LHPP: variants seen among roughly 807,000 people sequenced by gnomAD.
The protein encoded by LHPP is phospholysine phosphohistidine inorganic pyrophosphate phosphatase, also known as hLHPP.
In LHPP, 24 loss-of-function variants were observed where a neutral mutation model predicts 30.3. The ratio of observed to expected loss-of-function variants is 0.79; its 90% confidence interval spans 0.57 to 1.11. The LOEUF (loss-of-function observed/expected upper bound fraction) is 1.11. LHPP is among the 50% of genes most tolerant of loss of function. The pLI, the probability that LHPP is intolerant of heterozygous loss-of-function variation, is 0.00. For synonymous variants in LHPP, 150 were observed against 157.1 expected (o/e 0.95, Z 0.34); for missense variants, 356 against 367.2 (o/e 0.97, Z 0.25).
chr10:124,589,730 C>T lies in LHPP; in HGVS notation c.717-23534C>T, dbSNP rs558564771. Among the ~76,000 whole-genome samples, 89 of 152,350 alleles carry T rather than the reference C, an allele frequency of 5.8e-4. 1 individual carries two copies. In the South Asian group the frequency reaches 7.0e-3, roughly 12 times the overall value. On this transcript the variant is annotated intron_variant, in intron 6 of 6. Transcript: ENST00000368842. ...AGCAAGACCCTTTCTTGTCTATCCC[C>T]GGACGGACCCGCCTTTCCCGCATCT...
intron 6 of LHPP, among the ~76,000 whole-genome samples, chr10:124,589,590 C>A (rs534270098): frequency 6.6e-6 from 1 of 152,340 alleles, no homozygotes; most frequent in East Asian, 1.9e-4. Context: ...AGGGGTCAGG[C>A]TCAGTGCACA....
chr10:124,546,560 G>A (rs747464465), intron 6 of LHPP, among the ~76,000 whole-genome samples: 8 of 151,866 alleles, frequency 5.3e-5, no homozygotes, highest in Non-Finnish European at 1.0e-4. Flanking sequence ...CTGCCACCAC[G>A]CCCGGCTAAT....
intron 5 of LHPP, among the ~76,000 whole-genome samples, chr10:124,505,724 C>A (rs1016535817): frequency 6.6e-6 from 1 of 152,108 alleles, no homozygotes; most frequent in Non-Finnish European, 1.5e-5. Flanking sequence ...ATATGAGCAC[C>A]CAAGTGATGT....
At chr10:124,578,347 A>T (rs1321814800) in intron 6 of LHPP, among the ~76,000 whole-genome samples, 1 of 152,220 alleles carries the variant, frequency 6.6e-6, no homozygotes, top group East Asian at 1.9e-4. Context: ...GGTGAGCCAC[A>T]GGGCCACAGG....
intron 6 of LHPP, among the ~76,000 whole-genome samples, chr10:124,555,892 G>A (rs1442786109): frequency 1.3e-5 from 2 of 152,106 alleles, no homozygotes; most frequent in African/African-American, 4.8e-5. Context: ...CAAGTCCTCA[G>A]GCCATATTCC....
chr10:124,464,535 C>T (rs1034028870), intron 1 of LHPP, among the ~76,000 whole-genome samples: 1 of 152,188 alleles, frequency 6.6e-6, no homozygotes, highest in Non-Finnish European at 1.5e-5. Flanking sequence ...TCCGCTGGGT[C>T]CTGGGTCTGC....
intron 6 of LHPP, among the ~76,000 whole-genome samples, chr10:124,553,748 C>T (rs1948230215): frequency 1.3e-5 from 2 of 152,216 alleles, no homozygotes; most frequent in Non-Finnish European, 2.9e-5. Context: ...CGTGAGCCAC[C>T]ACGCCCGGCC....
chr10:124,506,537 G>A (rs1954073939), intron 5 of LHPP, among the ~76,000 whole-genome samples: 1 of 151,376 alleles, frequency 6.6e-6, no homozygotes, highest in Admixed American at 6.6e-5. Context: ...TTGCCAATGA[G>A]GAGTGAAGCC....
chr10:124,531,200 G>A (rs1178586427), intron 6 of LHPP, among the ~76,000 whole-genome samples: 1 of 152,104 alleles, frequency 6.6e-6, no homozygotes, highest in Non-Finnish European at 1.5e-5. Flanking sequence ...AATTGCAAGG[G>A]CCTGAGGGAT....
chr10:124,498,149 G>A, intron 5 of LHPP, 21 bp downstream of exon 5: 1 of 1,608,104 alleles, frequency 6.2e-7, no homozygotes, highest in African/African-American at 1.3e-5. Context: ...GCCTTGTGAA[G>A]TGGGTCAGGG....
At chr10:124,604,707 C>A (rs1949069912) in intron 6 of LHPP, among the ~76,000 whole-genome samples, 1 of 152,248 alleles carries the variant, frequency 6.6e-6, no homozygotes, top group African/African-American at 2.4e-5. Flanking sequence ...GTCGGCACAG[C>A]CGAGCTGGCG....
chr10:124,473,942 C>T (rs991206928), intron 1 of LHPP, among the ~76,000 whole-genome samples: 7 of 151,980 alleles, frequency 4.6e-5, no homozygotes, highest in Non-Finnish European at 1.0e-4. Flanking sequence ...CAGCGAGACT[C>T]GGTCTCAAAA....
intron 6 of LHPP, among the ~76,000 whole-genome samples, chr10:124,527,453 C>A (rs1954770656): frequency 6.6e-6 from 1 of 152,186 alleles, no homozygotes; most frequent in African/African-American, 2.4e-5. Flanking sequence ...AGGATGTGAA[C>A]CCGGTGTGCT....
chr10:124,582,489 G>A (rs538773433), intron 6 of LHPP, among the ~76,000 whole-genome samples: 56 of 152,302 alleles, frequency 3.7e-4, no homozygotes, highest in African/African-American at 1.3e-3. Context: ...ATGATTTACA[G>A]GTACAGTTGA....
Position 124,539,271 on chromosome 10 carries a change from C to T in LHPP, c.716+22000C>T, listed in dbSNP as rs187762992. Among the ~76,000 whole-genome samples, 28 of 152,278 alleles carry T rather than the reference C, an allele frequency of 1.8e-4. No individual in the cohort carries two copies. In the East Asian group the frequency reaches 4.6e-3, roughly 25 times the overall value. The stretch of plus-strand genomic sequence containing the variant: ...AGATGAGCACAGCTCCGGAGCCACT[C>T]GAGCACCCAAGGCCACGTCCTGCTC... On this transcript the variant is annotated intron_variant, in intron 6 of 6. Transcript: ENST00000368842.
intron 6 of LHPP, among the ~76,000 whole-genome samples, chr10:124,561,730 C>G (rs1026515388): frequency 1.3e-5 from 2 of 151,732 alleles, no homozygotes; most frequent in African/African-American, 4.8e-5. Context: ...TCTTCCCCTG[C>G]CTGAGTTGTG....
chr10:124,547,055 G>C (rs1412896104), intron 6 of LHPP, among the ~76,000 whole-genome samples: 1 of 134,936 alleles, frequency 7.4e-6, no homozygotes, highest in Non-Finnish European at 1.6e-5. Flanking sequence ...ACACACACAG[G>C]AGGTTGTCCT....
rs945123280 is a variant in LHPP at position 124,523,651 on chromosome 10, AG to A, written c.716+6386del. On this transcript the variant is annotated intron_variant, in intron 6 of 6. Transcript: ENST00000368842. The surrounding 1 kb of genome is among the most constrained non-coding windows in gnomAD (Gnocchi z 4.2). Reference sequence around the variant, plus strand: ...ATGTCAAAGTGAGTGGCTAGCAAGCAGGGGGGTCCAGGCTGTGGTGGCCCTG... The same window carrying A: ...ATGTCAAAGTGAGTGGCTAGCAAGCAGGGGGTCCAGGCTGTGGTGGCCCTG... 6.6e-6 allele frequency among the ~76,000 whole-genome samples: 1 copy of A among 152,096 alleles called. No individual in the cohort carries two copies. Among genetic ancestry groups the A allele is most frequent in the Admixed American group, 6.5e-5 (1 of 15,280 alleles).
intron 1 of LHPP, among the ~76,000 whole-genome samples, chr10:124,465,057 C>G (rs1424670598): frequency 6.6e-6 from 1 of 152,076 alleles, no homozygotes; most frequent in Admixed American, 6.6e-5. Flanking sequence ...ACAGGTAGGC[C>G]TAAGGGGTGT....
Sources: gnomAD v4.1 joint callset for allele counts (sites outside exome capture counted in the v4.1 genomes callset) on GRCh38, gnomAD v4.1.1 for gene constraint, Gnocchi (gnomAD v3.1) non-coding constraint, MANE v1.5 for transcripts, NCBI Gene and HGNC (gene_info 2026-07-23, HGNC 2026-07-21) for gene names.